BAHCC1: variants seen among roughly 807,000 people sequenced by gnomAD.
The protein encoded by BAHCC1 is BAH and coiled-coil domain-containing protein 1.
Under a neutral mutation model 88.2 loss-of-function variants are expected in BAHCC1, and 43 were observed. The ratio of observed to expected loss-of-function variants is 0.49; its 90% CI spans 0.38 to 0.63. The LOEUF (loss-of-function observed/expected upper bound fraction) is 0.63. BAHCC1 is among the 20% of genes least tolerant of loss of function. The pLI is 0.00. For synonymous variants in BAHCC1, 1,510 were observed against 745.5 expected (o/e 2.03, Z -16.71); for missense variants, 3,023 against 1,654.8 (o/e 1.83, Z -14.34).
chr17:81,418,688 C>T (rs193295454), intron 2 of BAHCC1, among the ~76,000 whole-genome samples: 211 of 152,292 alleles, frequency 1.4e-3, no homozygotes, highest in Non-Finnish European at 1.5e-3. Context: ...TCTTTGAGGA[C>T]TTGCCCAGCT....
chr17:81,415,050 G>A (rs573706078), intron 2 of BAHCC1, among the ~76,000 whole-genome samples: 28 of 150,740 alleles, frequency 1.9e-4, no homozygotes, highest in Non-Finnish European at 2.8e-4. Context: ...GTTCCCATTG[G>A]AGCTCTGCCC....
rs782665038 is a variant in BAHCC1, at chr17:81,442,096, G to A, written c.747G>A (p.Arg249=). The change falls in exon 5 of 28, where the codon CGG becomes CGA. Residue 249 remains arginine (R), a synonymous_variant. Transcript: ENST00000675386. ...PAAEEDGGKE[R]HKLVLPVPAD... is the part of the protein sequence containing the mutation. ...CAGAGGAGGACGGTGGCAAGGAGCG[G>A]CACAAGCTGGTGCTGCCCGTGCCAG... 2.8e-6 allele frequency: 2 copies of A among 703,260 alleles called. No homozygotes were observed. The highest frequency in any genetic ancestry group is 5.3e-6 in the Non-Finnish European group (2 of 379,030). The allele number at this position is 703,260 out of a possible 1,614,324, so 43.6% of individuals were successfully genotyped here.
intron 14 of BAHCC1, among the ~76,000 whole-genome samples, chr17:81,453,165 C>A (rs1383987274): frequency 6.6e-6 from 1 of 152,224 alleles, no homozygotes; most frequent in Non-Finnish European, 1.5e-5. Flanking sequence ...GCCCGGCCCC[C>A]CTGGAGTGTG....
At chr17:81,433,707 C>T (rs1401032752) in intron 3 of BAHCC1, among the ~76,000 whole-genome samples, 6 of 151,312 alleles carry the variant, frequency 4.0e-5, no homozygotes, top group Admixed American at 3.3e-4. Context: ...ATCAGTCCAC[C>T]GAGGCCCCTC....
intron 2 of BAHCC1, among the ~76,000 whole-genome samples, chr17:81,420,682 T>C (rs996738218): frequency 1.3e-5 from 2 of 152,200 alleles, no homozygotes; most frequent in Admixed American, 1.3e-4. Flanking sequence ...CAGAGCCCGG[T>C]CTGGATCTAG....
chr17:81,450,576 A>G (rs1555655561), intron 11 of BAHCC1, among the ~76,000 whole-genome samples: 4 of 152,094 alleles, frequency 2.6e-5, no homozygotes, highest in African/African-American at 9.7e-5. Flanking sequence ...TGTTCAGCCC[A>G]TGGCCCTCCT....
intron 2 of BAHCC1, among the ~76,000 whole-genome samples, chr17:81,418,788 C>CGTGTGT (rs1393659232): frequency 0.013 from 55 of 4,276 alleles, no homozygotes; most frequent in Non-Finnish European, 0.022. Context: ...TGTGTGTGTA[C>CGTGTGT]GTGTGTGCGT....
chr17:81,444,923 G>C, intron 8 of BAHCC1, 92 bp from the exon 9 acceptor site: 1 of 685,692 alleles, frequency 1.5e-6, no homozygotes, highest in Non-Finnish European at 2.7e-6. Flanking sequence ...GGGAGCGGTG[G>C]GCTTGGTGGG....
Position 81,435,445 on chromosome 17 carries a change from G to A in BAHCC1, c.359-2925G>A, listed in dbSNP as rs1237545219. ...TCTTCCCCACGCTCCACCAGGCTCC[G>A]AGGGCACCAGCAGCCTGTGTCCTGA... On this transcript the variant is annotated intron_variant, in intron 3 of 27. Transcript: ENST00000675386. The surrounding 1 kb of genome is among the most constrained non-coding windows in gnomAD (Gnocchi z 4.4). 5.7e-5 allele frequency: 27 copies of A among 470,410 alleles called. No individual in the cohort carries two copies. The highest frequency in any genetic ancestry group is 7.5e-5 in the Non-Finnish European group (17 of 226,934). 29.1% of individuals were successfully genotyped at this position (470,410 alleles called of 1,614,324 possible).
chr17:81,461,441 G>T lies in BAHCC1; in HGVS notation c.6778G>T (p.Ala2260Ser). The T allele has an allele frequency of 1.4e-6, 1 of 738,198 alleles. No homozygotes were observed. Among genetic ancestry groups the T allele is most frequent in the East Asian group, 2.5e-5 (1 of 40,038 alleles). 45.7% of individuals were successfully genotyped at this position (738,198 alleles called of 1,614,324 possible). ...ALVGKDKKGR[A>S]PIPPLPMGLA... ...TGTGGGCAAGGACAAGAAGGGGCGG[G>T]CACCCATCCCCCCGCTGCCCATGGG... The change falls in exon 26 of 28, where the codon GCA becomes TCA. Residue 2260 changes from alanine (A) to serine (S), a missense_variant. Transcript: ENST00000675386.
In BAHCC1 at chr17:81,442,114, C is replaced by T. The variant is rs372031993; in HGVS notation, c.765C>T (p.Pro255=). The part of the protein sequence containing the change: ...GGKERHKLVL[P]VPADGHCREG... ...AGGAGCGGCACAAGCTGGTGCTGCC[C>T]GTGCCAGCCGACGGGCACTGCAGGG... Residue 255 remains proline (P), a synonymous_variant, in exon 5 of 28, where the codon CCC becomes CCT. Transcript: ENST00000675386. The T allele has an allele frequency of 1.6e-5, 11 of 687,742 alleles. No individual in the cohort carries two copies. The highest frequency in any genetic ancestry group is 9.1e-5 in the African/African-American group (5 of 54,838). The allele number at this position is 687,742 out of a possible 1,614,324, so 42.6% of individuals were successfully genotyped here. A position where few individuals can be genotyped will look rare whatever the true frequency, so the allele number is the denominator to read the frequency against.
intron 2 of BAHCC1, among the ~76,000 whole-genome samples, chr17:81,419,996 T>C (rs782484749): frequency 3.1e-4 from 47 of 150,916 alleles, no homozygotes; most frequent in Non-Finnish European, 6.2e-4. Flanking sequence ...GGCAGGAGAG[T>C]GGGGTGGGGC....
chr17:81,422,047 T>G, intron 2 of BAHCC1: 1 of 297,490 alleles, frequency 3.4e-6, no homozygotes, highest in South Asian at 2.4e-5. Context: ...AGTCGCACTT[T>G]GTCATCCAGG....
intron 2 of BAHCC1, chr17:81,422,685 GCCC>G (rs1555649728): frequency 2.9e-6 from 1 of 350,086 alleles, no homozygotes. Flanking sequence ...GGAGTGTCCT[GCCC>G]CCACCTGATG....
In BAHCC1 at chr17:81,435,505, G is replaced by C; in HGVS notation, c.359-2865G>C. 1 of 470,922 alleles carries C rather than the reference G, an allele frequency of 2.1e-6. No homozygotes were observed. The highest frequency in any genetic ancestry group is 1.5e-5 in the South Asian group (1 of 64,566). 29.2% of individuals were successfully genotyped at this position (470,922 alleles called of 1,614,324 possible). ...TGGCGGTTCGCTTAGCCCAGGGCTT[G>C]CCCTTGTCTGTTGGGGTGATCATAA... On this transcript the variant is annotated intron_variant, in intron 3 of 27. Transcript: ENST00000675386. This position sits in a 1 kb window ranked among gnomAD's most constrained non-coding sequence, Gnocchi z 4.4.
chr17:81,403,730 C>A (rs1166701739), intron 2 of BAHCC1, among the ~76,000 whole-genome samples: 1 of 152,154 alleles, frequency 6.6e-6, no homozygotes, highest in African/African-American at 2.4e-5. Context: ...AGTTACTTTC[C>A]GAAGACGTCA....
intron 14 of BAHCC1, among the ~76,000 whole-genome samples, chr17:81,453,602 G>C (rs1264473817): frequency 6.7e-6 from 1 of 149,880 alleles, no homozygotes; most frequent in Non-Finnish European, 1.5e-5. Flanking sequence ...CCCCCCCCCA[G>C]AGCTGCCCCT....
rs981790402 is a variant in BAHCC1 at position 81,463,953 on chromosome 17, C to A, written c.*136C>A. ...AGCAAATATGCAAAAGCCCACAGGG[C>A]AAGACCCAGGCTTTCTTACGGTTTT... On this transcript the variant is annotated 3_prime_UTR_variant, in exon 28 of 28. Coordinates refer to ENST00000675386, the MANE Select transcript of BAHCC1 (RefSeq NM_001377448.1). 9.6e-6 allele frequency: 6 copies of A among 628,268 alleles called. No individual in the cohort carries two copies. Among genetic ancestry groups the A allele is most frequent in the African/African-American group, 9.1e-5 (5 of 54,842 alleles). 38.9% of individuals were successfully genotyped at this position (628,268 alleles called of 1,614,324 possible). A position where few individuals can be genotyped will look rare whatever the true frequency, so the allele number is the denominator to read the frequency against.
rs113877080 is a variant in BAHCC1, at chr17:81,400,015, A to G, written c.178+98A>G. ...CCGGGAGCAGAGAAGCTTTGGTTTC[A>G]TTTCCCGGCCCCGGCCGCGGTGGCT... On this transcript the variant is annotated intron_variant, in intron 2 of 27. Transcript: ENST00000675386. 95 of 1,054,450 alleles carry G rather than the reference A, an allele frequency of 9.0e-5. No individual in the cohort carries two copies. The African/African-American group carries it at 1.3e-3, about 14-fold the overall frequency. 65.3% of individuals were successfully genotyped at this position (1,054,450 alleles called of 1,614,324 possible).
Sources: gnomAD v4.1 joint callset for allele counts (sites outside exome capture counted in the v4.1 genomes callset) on GRCh38, gnomAD v4.1.1 for gene constraint, Gnocchi (gnomAD v3.1) non-coding constraint, MANE v1.5 for transcripts, NCBI Gene and HGNC (gene_info 2026-07-23, HGNC 2026-07-21) for gene names.